ZNF500: variants seen among roughly 807,000 people sequenced by gnomAD.
ZNF500 encodes zinc finger protein 500.
A neutral mutation model predicts 30.1 loss-of-function variants in ZNF500; 31 were observed. The observed-to-expected ratio is 1.03, with a 90% CI of 0.77 to 1.39. ZNF500 has a LOEUF of 1.39. ZNF500 is among the 40% of genes most tolerant of loss of function. ZNF500 has a pLI of 0.00. For synonymous variants in ZNF500, 392 were observed against 282.0 expected (o/e 1.39, Z -3.91); for missense variants, 817 against 657.8 (o/e 1.24, Z -2.65).
At chr16:4,756,386 A>C (rs1338283946) in intron 5 of ZNF500, 2 of 152,088 alleles carry the variant, frequency 1.3e-5, no homozygotes, top group African/African-American at 4.8e-5. Context: ...TGGGAGGCTA[A>C]GGCACGAGAA....
At position 4,752,615 on chromosome 16, in the gene ZNF500, T is replaced by G; in HGVS notation, c.1204A>C (p.Thr402Pro). ...QSSSLVIHRRTHSGERPYACT... is the reference protein window; with the variant it reads ...QSSSLVIHRRPHSGERPYACT... ...GCATAGGGCCGCTCCCCGCTGTGTGTCCTGCGGTGGATGACCAGGCTGGAG... is the reference window on the plus strand; with the variant it reads ...GCATAGGGCCGCTCCCCGCTGTGTGGCCTGCGGTGGATGACCAGGCTGGAG... The change falls in exon 6 of 6, where the codon ACA becomes CCA. Residue 402 changes from threonine (T) to proline (P), a missense_variant. By Grantham distance (38) the Thr-to-Pro change is conservative. Coordinates refer to ENST00000219478, the MANE Select transcript of ZNF500 (RefSeq NM_021646.4). The G allele has an allele frequency of 6.2e-7, 1 of 1,606,456 alleles. No individual in the cohort carries two copies. Among genetic ancestry groups the G allele is most frequent in the African/African-American group, 1.3e-5 (1 of 74,876 alleles).
Position 4,751,915 on chromosome 16 carries a change from AAAG to A in ZNF500, c.*458_*460del. ...ACAGCAAGGCCCCGTCTCAAAAAAA[AAAG>A]GGGGGGGGAGCAGGTGGGGGGTACA... On this transcript the variant is annotated 3_prime_UTR_variant, in exon 6 of 6. Coordinates refer to ENST00000219478, the MANE Select transcript of ZNF500 (RefSeq NM_021646.4). 1 of 277,040 alleles carries A rather than the reference AAAG, an allele frequency of 3.6e-6. No homozygotes were observed. The highest frequency in any genetic ancestry group is 5.8e-6 in the Non-Finnish European group (1 of 171,880). 17.2% of individuals were successfully genotyped at this position (277,040 alleles called of 1,614,324 possible). A position where few individuals can be genotyped will look rare whatever the true frequency, so the allele number is the denominator to read the frequency against.
Position 4,752,986 on chromosome 16 carries a change from A to G in ZNF500, c.833T>C (p.Val278Ala). 6.3e-7 allele frequency: 1 copy of G among 1,590,482 alleles called. No individual in the cohort carries two copies. ...AGGCCCCTGGCATCGTGCCGAGAGC[A>G]CTCGGTACCACTCCATTCTCAACGG... ...DAPLRMEWYR[V>A]LSARCQGPGH... Residue 278 changes from valine to alanine, a missense_variant, in exon 6 of 6, where the codon GTG becomes GCG. Coordinates refer to ENST00000219478, the MANE Select transcript of ZNF500 (RefSeq NM_021646.4).
At position 4,765,934 on chromosome 16, in the gene ZNF500, C is replaced by T; in HGVS notation, c.45G>A (p.Gln15=). ...PGLQPLPTLE[Q]DLEQEEILIV... The stretch of plus-strand genomic sequence containing the variant: ...TCAGGATCTCTTCCTGTTCCAGGTC[C>T]TGCTCCAAGGTTGGCAGGGGCTGGA... Residue 15 remains glutamine, a synonymous_variant, in exon 2 of 6, where the codon CAG becomes CAA. Coordinates refer to ENST00000219478, the MANE Select transcript of ZNF500 (RefSeq NM_021646.4). 10 of 1,601,134 alleles carry T rather than the reference C, an allele frequency of 6.2e-6. No homozygotes were observed. The highest frequency in any genetic ancestry group is 1.1e-5 in the South Asian group (1 of 89,426).
chr16:4,752,490 G>A lies in ZNF500; in HGVS notation c.1329C>T (p.Gly443=). The A allele has an allele frequency of 6.5e-7, 1 of 1,549,504 alleles. No homozygotes were observed. ...GGTCGGTGCCCCGGCGGAAGCCCCG[G>A]CCACAGGCCGGGCAGGTGTAGGGCT... ...GEKPYTCPAC[G]RGFRRGTDLH... is the part of the protein sequence containing the mutation. The change falls in exon 6 of 6, where the codon GGC becomes GGT. Residue 443 remains glycine, a synonymous_variant. Coordinates refer to ENST00000219478, the MANE Select transcript of ZNF500 (RefSeq NM_021646.4).
At chr16:4,761,995 C>G (rs2082207102) in intron 4 of ZNF500, among the ~76,000 whole-genome samples, 1 of 152,334 alleles carries the variant, frequency 6.6e-6, no homozygotes. Flanking sequence ...CTGTGCCCAG[C>G]AGAGTAGGAG....
rs769415549 is a variant in ZNF500 at position 4,752,910 on chromosome 16, C to A, written c.909G>T (p.Arg303Ser). The A allele has an allele frequency of 3.1e-6, 5 of 1,613,846 alleles. No homozygotes were observed. Among genetic ancestry groups the A allele is most frequent in the East Asian group, 2.2e-5 (1 of 44,868 alleles). ...QRPAPVRGLV[R>S]PDQPRGGPPP... Reference sequence around the variant, plus strand: ...GGGGGCCGCCTCTTGGCTGATCAGGCCTGACCAAGCCCCTGACTGGGGCTG... The same window carrying A: ...GGGGGCCGCCTCTTGGCTGATCAGGACTGACCAAGCCCCTGACTGGGGCTG... Residue 303 changes from arginine to serine, a missense_variant, in exon 6 of 6, where the codon AGG becomes AGT. Transcript: ENST00000219478.
At chr16:4,765,362 G>C (rs1324013679) in intron 2 of ZNF500, among the ~76,000 whole-genome samples, 1 of 152,090 alleles carries the variant, frequency 6.6e-6, no homozygotes. Context: ...AGCTAATAAA[G>C]GGCTATTGGG....
chr16:4,752,252 C>T lies in ZNF500; in HGVS notation c.*124G>A. The T allele has an allele frequency of 7.0e-7, 1 of 1,428,410 alleles. No individual in the cohort carries two copies. Among genetic ancestry groups the T allele is most frequent in the East Asian group, 2.5e-5 (1 of 39,896 alleles). The allele number at this position is 1,428,410 out of a possible 1,614,324, so 88.5% of individuals were successfully genotyped here. On this transcript the variant is annotated 3_prime_UTR_variant, in exon 6 of 6. Transcript: ENST00000219478. ...GGGCATCCCAAATGTCCCCTGCTGG[C>T]CTCATACTGGGCCATGGGAGGAAAC...
At chr16:4,747,094 C>T, downstream of ZNF500, 4 of 1,422,226 alleles carry the variant, frequency 2.8e-6, no homozygotes, top group South Asian at 4.0e-5. Context: ...AGCCCTCCAC[C>T]TGGCACATTT....
chr16:4,745,069 G>T (rs1459424785), downstream of ZNF500: 23 of 1,574,200 alleles, frequency 1.5e-5, no homozygotes, highest in Non-Finnish European at 2.0e-5. Flanking sequence ...CCATGGTTTT[G>T]TAGCACTGAC....
At chr16:4,746,001 T>C (rs557863854), downstream of ZNF500, 76 of 176,766 alleles carry the variant, frequency 4.3e-4, no homozygotes, top group African/African-American at 1.6e-3. Flanking sequence ...AGAACTGCAG[T>C]GTTAACCATG....
rs754836599 is a variant in ZNF500 at position 4,760,483 on chromosome 16, G to C, written c.760+9C>G. 2 of 1,612,962 alleles carry C rather than the reference G, an allele frequency of 1.2e-6. No homozygotes were observed. Among genetic ancestry groups the C allele is most frequent in the Non-Finnish European group, 8.5e-7 (1 of 1,179,358 alleles). On this transcript the variant is annotated intron_variant, in intron 5 of 5. Transcript: ENST00000219478. Reference sequence around the variant, plus strand: ...AGCCCCCTAGAGGACACAATCACTTGCAAGTTACCTTCATTCTCCAGCGGC... The same window carrying C: ...AGCCCCCTAGAGGACACAATCACTTCCAAGTTACCTTCATTCTCCAGCGGC...
In ZNF500 at chr16:4,749,212, G is replaced by C. The variant is rs929127042; in HGVS notation, c.*3164C>G. On this transcript the variant is annotated 3_prime_UTR_variant, in exon 6 of 6. Transcript: ENST00000219478. ...CTCCGGGGCCTGTGCCGCCAGAACC[G>C]GGCTCTGCCCCCATACGCTGCCCTC... 6.5e-6 allele frequency: 1 copy of C among 154,478 alleles called. No homozygotes were observed. The highest frequency in any genetic ancestry group is 1.5e-5 in the Non-Finnish European group (1 of 68,282). The allele number at this position is 154,478 out of a possible 1,614,324, so 9.6% of individuals were successfully genotyped here. A position where few individuals can be genotyped will look rare whatever the true frequency, so the allele number is the denominator to read the frequency against.
chr16:4,760,552 A>G lies in ZNF500; in HGVS notation c.700T>C (p.Ser234Pro), dbSNP rs2082186708. Residue 234 changes from serine to proline, a missense_variant, in exon 5 of 6, where the codon TCT becomes CCT. Coordinates refer to ENST00000219478, the MANE Select transcript of ZNF500 (RefSeq NM_021646.4). ...VNLEDVAVYL[S>P]GEEPRCMDPA... ...TCCATGCATCTTGGCTCCTCCCCAG[A>G]AAGGTATACAGCCACGTCCTCCAAG... 1 of 1,613,624 alleles carries G rather than the reference A, an allele frequency of 6.2e-7. No individual in the cohort carries two copies. Among genetic ancestry groups the G allele is most frequent in the Non-Finnish European group, 8.5e-7 (1 of 1,179,764 alleles).
chr16:4,753,217 T>C, intron 5 of ZNF500, 159 bp from the exon 6 acceptor site: 1 of 1,351,294 alleles, frequency 7.4e-7, no homozygotes, highest in South Asian at 2.0e-5. Context: ...TCCCAGCACT[T>C]TGGAAGGCTG....
At chr16:4,747,410 G>C (rs148678041), downstream of ZNF500, 31 of 1,612,678 alleles carry the variant, frequency 1.9e-5, no homozygotes, top group African/African-American at 3.9e-4. Flanking sequence ...AGCCCAGCCC[G>C]AGCTGCCTGC....
At chr16:4,746,455 C>T (rs746487461), downstream of ZNF500, 2 of 1,613,776 alleles carry the variant, frequency 1.2e-6, no homozygotes. Context: ...GCAGAGTCCC[C>T]CACCATCTTT....
rs775437625 is a variant in ZNF500 at position 4,749,295 on chromosome 16, T to C, written c.*3081A>G. 1 of 154,464 alleles carries C rather than the reference T, an allele frequency of 6.5e-6. No individual in the cohort carries two copies. Among genetic ancestry groups the C allele is most frequent in the Non-Finnish European group, 1.5e-5 (1 of 68,240 alleles). The allele number at this position is 154,464 out of a possible 1,614,324, so 9.6% of individuals were successfully genotyped here. A position where few individuals can be genotyped will look rare whatever the true frequency, so the allele number is the denominator to read the frequency against. ...CTGTCAAGAGCAAAGGCTTTTTTTT[T>C]CTTCAACCCCATTTTCTTCCATTTC... On this transcript the variant is annotated 3_prime_UTR_variant, in exon 6 of 6. Coordinates refer to ENST00000219478, the MANE Select transcript of ZNF500 (RefSeq NM_021646.4).
Sources: gnomAD v4.1 joint callset for allele counts (sites outside exome capture counted in the v4.1 genomes callset) on GRCh38, gnomAD v4.1.1 for gene constraint, MANE v1.5 for transcripts, NCBI Gene and HGNC (gene_info 2026-07-23, HGNC 2026-07-21) for gene names.